The following RPS6KA1 variants were observed in gnomAD, a reference collection of about 807,000 sequenced individuals.
RPS6KA1 encodes ribosomal protein S6 kinase A1.
Under a neutral mutation model 91.3 loss-of-function variants are expected in RPS6KA1, and 48 were observed. The ratio of observed to expected loss-of-function variants is 0.53; its 90% CI spans 0.42 to 0.67. The LOEUF (loss-of-function observed/expected upper bound fraction) is 0.67, where lower values mean the gene tolerates loss of function less well. Among genes scored for constraint, RPS6KA1 ranks in the 30% least tolerant of loss-of-function variants. The pLI is 0.00. For synonymous variants in RPS6KA1, 359 were observed against 384.7 expected (o/e 0.93, Z 0.78); for missense variants, 719 against 960.5 (o/e 0.75, Z 3.32).
At position 26,560,788 on chromosome 1, in the gene RPS6KA1, G is replaced by A. The variant is rs1032246117; in HGVS notation, c.1278G>A (p.Val426=). The A allele has an allele frequency of 1.9e-6, 3 of 1,614,188 alleles. No individual in the cohort carries two copies. The highest frequency in any genetic ancestry group is 2.5e-6 in the Non-Finnish European group (3 of 1,180,026). ...ACGTGGTAAAGGAGACAATTGGTGT[G>A]GGCTCCTACTCTGAGTGCAAGCGCT... The part of the protein sequence containing the change: ...DGYVVKETIG[V]GSYSECKRCV... The change falls in exon 15 of 22, where the codon GTG becomes GTA. Residue 426 remains valine, a synonymous_variant. Coordinates refer to ENST00000374168, the MANE Select transcript of RPS6KA1 (RefSeq NM_002953.4).
chr1:26,546,811 G>T (rs1028271589), intron 2 of RPS6KA1, 56 bp from the exon 3 acceptor site: 2 of 1,386,988 alleles, frequency 1.4e-6, no homozygotes, highest in African/African-American at 1.4e-5. Flanking sequence ...GGGCAGGGGA[G>T]CCTCCTGCTG....
chr1:26,541,829 T>C (rs2075950357), intron 2 of RPS6KA1, among the ~76,000 whole-genome samples: 1 of 152,154 alleles, frequency 6.6e-6, no homozygotes, highest in Non-Finnish European at 1.5e-5. Context: ...GGGCCAGGAT[T>C]GGCAGGTGGG....
intron 1 of RPS6KA1, among the ~76,000 whole-genome samples, chr1:26,533,146 C>G (rs2124610419): frequency 1.3e-5 from 2 of 152,246 alleles, no homozygotes; most frequent in East Asian, 3.9e-4. Flanking sequence ...GTGGCGTGAT[C>G]TCGGCTCACT....
rs1287974590 is a variant in RPS6KA1, at chr1:26,536,936, C to A, written c.75C>A (p.Thr25=). ...TTTCTCTTTTCCAGAATGGACAGAC[C>A]TCAGGGGAAGAAGCTGGACTTCAGC... ...LVPLDPENGQ[T]SGEEAGLQPS... The change falls in exon 2 of 22, where the codon ACC becomes ACA. Residue 25 remains threonine, a synonymous_variant. Coordinates refer to ENST00000374168, the MANE Select transcript of RPS6KA1 (RefSeq NM_002953.4). 1 of 1,614,008 alleles carries A rather than the reference C, an allele frequency of 6.2e-7. No homozygotes were observed. Among genetic ancestry groups the A allele is most frequent in the Admixed American group, 1.7e-5 (1 of 60,006 alleles).
intron 2 of RPS6KA1, among the ~76,000 whole-genome samples, chr1:26,545,562 T>G (rs1015905910): frequency 5.3e-5 from 8 of 152,176 alleles, no homozygotes; most frequent in African/African-American, 1.9e-4. Context: ...TCTTTGTCTG[T>G]TGGGTACCTG....
intron 17 of RPS6KA1, among the ~76,000 whole-genome samples, chr1:26,565,701 A>G (rs1011863998): frequency 1.3e-5 from 2 of 152,006 alleles, no homozygotes; most frequent in Non-Finnish European, 1.5e-5. Context: ...AGCTGGGATT[A>G]CAGGCACCTG....
rs748886364 is a variant in RPS6KA1 at position 26,546,035 on chromosome 1, G to T, written c.109-832G>T. On this transcript the variant is annotated intron_variant, in intron 2 of 21. Coordinates refer to ENST00000374168, the MANE Select transcript of RPS6KA1 (RefSeq NM_002953.4). ...CTGGCTCTGGCCCCCAGCGGGACTC[G>T]GTGAGTGTGCCCGAATGTCTGGTCC... 9.9e-6 allele frequency: 16 copies of T among 1,611,084 alleles called. No homozygotes were observed. In the Admixed American group the frequency reaches 2.7e-4, roughly 27 times the overall value.
At chr1:26,546,776 G>C in intron 2 of RPS6KA1, 91 bp from the exon 3 acceptor site, 1 of 915,172 alleles carries the variant, frequency 1.1e-6, no homozygotes, top group South Asian at 1.4e-5. Flanking sequence ...GGTTCCATCT[G>C]CTGTGGTCTG....
chr1:26,542,868 T>C (rs1557492640), intron 2 of RPS6KA1, among the ~76,000 whole-genome samples: 2 of 152,206 alleles, frequency 1.3e-5, no homozygotes, highest in Non-Finnish European at 2.9e-5. Context: ...ATATGCCCAC[T>C]GTGACACTGC....
At chr1:26,536,683 G>A (rs955978374) in intron 1 of RPS6KA1, among the ~76,000 whole-genome samples, 6 of 152,238 alleles carry the variant, frequency 3.9e-5, no homozygotes, top group South Asian at 2.1e-4. Flanking sequence ...GACAGCATGA[G>A]GGTCAGAATG....
rs2124618600 is a variant in RPS6KA1, at chr1:26,540,040, G to A, written c.108+3071G>A. Among the ~76,000 whole-genome samples the A allele has an allele frequency of 6.6e-6, 1 of 152,314 alleles. No individual in the cohort carries two copies. Among genetic ancestry groups the A allele is most frequent in the Middle Eastern group, 3.4e-3 (1 of 294 alleles). ...AGCCTTGGGCAGCCTCAGGTGTTGG[G>A]AGGAACTTCCCTTGGCCTGGTCAGA... On this transcript the variant is annotated intron_variant, in intron 2 of 21. Coordinates refer to ENST00000374168, the MANE Select transcript of RPS6KA1 (RefSeq NM_002953.4). The surrounding 1 kb of genome is among the most constrained non-coding windows in gnomAD (Gnocchi z 4.2).
intron 2 of RPS6KA1, among the ~76,000 whole-genome samples, 161 bp downstream of exon 2, chr1:26,537,130 A>G (rs888673018): frequency 3.9e-5 from 6 of 152,284 alleles, no homozygotes; most frequent in Admixed American, 6.5e-5. Context: ...CATAGAAATC[A>G]CTTGTTCCAA....
In RPS6KA1 at chr1:26,554,307, G is replaced by A. The variant is rs1391836476; in HGVS notation, c.613+56G>A. The stretch of plus-strand genomic sequence containing the variant: ...CCAGGGGAGGACAGGACAAGGTCAT[G>A]ATAGGTCTCGGCTGAGTGCTGGGGG... On this transcript the variant is annotated intron_variant, in intron 8 of 21. Transcript: ENST00000374168. The surrounding 1 kb of genome is among the most constrained non-coding windows in gnomAD (Gnocchi z 4.6). 27 of 1,523,120 alleles carry A rather than the reference G, an allele frequency of 1.8e-5. No individual in the cohort carries two copies. The highest frequency in any genetic ancestry group is 1.9e-5 in the Non-Finnish European group (21 of 1,122,480). The allele number at this position is 1,523,120 out of a possible 1,614,324, so 94.4% of individuals were successfully genotyped here.
intron 17 of RPS6KA1, among the ~76,000 whole-genome samples, chr1:26,562,434 C>T (rs1358755078): frequency 2.0e-5 from 3 of 152,076 alleles, no homozygotes; most frequent in Non-Finnish European, 4.4e-5. Context: ...CGTGGGGGAG[C>T]TGCAAGGCTT....
At chr1:26,531,542 C>G (rs909900405) in intron 1 of RPS6KA1, 1 of 152,224 alleles carries the variant, frequency 6.6e-6, no homozygotes, top group African/African-American at 2.4e-5. Context: ...TTAGGGAATC[C>G]TGAGGCAGGG....
intron 2 of RPS6KA1, chr1:26,543,100 G>A (rs968859854): frequency 2.8e-5 from 43 of 1,525,642 alleles, no homozygotes; most frequent in Non-Finnish European, 3.0e-5. Flanking sequence ...GGCCAGGAAG[G>A]CTAAAAAAAG....
chr1:26,544,393 C>A (rs2075974061), intron 2 of RPS6KA1, among the ~76,000 whole-genome samples: 1 of 151,824 alleles, frequency 6.6e-6, no homozygotes, highest in Non-Finnish European at 1.5e-5. Context: ...CTGTTGGATA[C>A]CTGTCCCCTT....
intron 2 of RPS6KA1, among the ~76,000 whole-genome samples, chr1:26,543,729 C>T (rs2075968366): frequency 6.6e-6 from 1 of 152,198 alleles, no homozygotes; most frequent in Non-Finnish European, 1.5e-5. Flanking sequence ...GCATTTGATG[C>T]CTGCTGACCC....
At chr1:26,560,017 A>G (rs1399919940) in intron 14 of RPS6KA1, among the ~76,000 whole-genome samples, 1 of 152,170 alleles carries the variant, frequency 6.6e-6, no homozygotes, top group African/African-American at 2.4e-5. Context: ...CTGAGAACGT[A>G]CCACTGCACT....
Sources: allele counts gnomAD v4.1 joint callset (sites outside exome capture counted in the v4.1 genomes callset), GRCh38; gene constraint gnomAD v4.1.1; non-coding constraint Gnocchi (gnomAD v3.1); transcripts MANE v1.5; gene names NCBI Gene and HGNC (gene_info 2026-07-23, HGNC 2026-07-21).